Variants in TTC12 observed in about 807,000 individuals in gnomAD.
The protein encoded by TTC12 is tetratricopeptide repeat protein 12.
Under a neutral mutation model 90.1 loss-of-function variants are expected in TTC12, and 70 were observed. The observed-to-expected ratio is 0.78, with a 90% confidence interval of 0.64 to 0.95. TTC12 has a LOEUF of 0.95. Among genes scored for constraint, TTC12 ranks in the 40% least tolerant of loss-of-function variants. The pLI is 0.00. For missense variants in TTC12, 819 were observed against 846.1 expected, an observed-to-expected ratio of 0.97 and a Z score of 0.40; for synonymous variants, 296 against 311.5, an observed-to-expected ratio of 0.95 and a Z score of 0.53.
chr11:113,317,716 G>A (rs1456445309), intron 2 of TTC12, among the ~76,000 whole-genome samples: 1 of 152,016 alleles, frequency 6.6e-6, no homozygotes, highest in Non-Finnish European at 1.5e-5. Context: ...CGCTTGAGCA[G>A]CAATAAACTG....
intron 6 of TTC12, chr11:113,329,618 C>T (rs554992251): frequency 5.9e-6 from 3 of 512,578 alleles, no homozygotes; most frequent in Non-Finnish European, 1.1e-5. Context: ...TCATTGCTCC[C>T]TCCTTCTGCC....
intron 6 of TTC12, among the ~76,000 whole-genome samples, chr11:113,328,422 C>G (rs1449792171): frequency 6.6e-6 from 1 of 152,138 alleles, no homozygotes; most frequent in Non-Finnish European, 1.5e-5. Flanking sequence ...TTGAATGGAT[C>G]ACGGAATTCT....
intron 5 of TTC12, 27 bp downstream of exon 5, chr11:113,324,709 G>T: frequency 6.3e-7 from 1 of 1,596,930 alleles, no homozygotes. Context: ...ACTTTTCAAT[G>T]GCTGGGATGA....
At position 113,319,025 on chromosome 11, in the gene TTC12, A is replaced by G. The variant is rs561313290; in HGVS notation, c.58+2710A>G. ...GAGATACATTTAGTGACTTGCTTCC[A>G]AAGAGTACAGTATGGAAAGGGAGGG... On this transcript the variant is annotated intron_variant, in intron 2 of 21. Coordinates refer to ENST00000529221, the MANE Select transcript of TTC12 (RefSeq NM_017868.4). Among the ~76,000 whole-genome samples, 7 of 152,278 alleles carry G rather than the reference A, an allele frequency of 4.6e-5. No individual in the cohort carries two copies. The East Asian group carries it at 1.4e-3, about 29-fold the overall frequency.
rs1947935147 is a variant in TTC12, at chr11:113,329,956, G to C, written c.481G>C (p.Val161Leu). Residue 161 changes from valine (V) to leucine (L), a missense_variant, in exon 7 of 22, where the codon GTG (valine) becomes CTG (leucine). By Grantham distance (32) the Val-to-Leu change is conservative. Transcript: ENST00000529221. ...MKLEDYEKAL[V>L]DCEWALKCDE... ...ACTTGAGGACTATGAGAAGGCACTG[G>C]TGGATTGTGAGTGGGCTCTCAAGGT... The C allele has an allele frequency of 6.2e-7, 1 of 1,613,654 alleles. No individual in the cohort carries two copies. Among genetic ancestry groups the C allele is most frequent in the Admixed American group, 1.7e-5 (1 of 60,002 alleles).
chr11:113,318,122 A>G (rs1040058231), intron 2 of TTC12, among the ~76,000 whole-genome samples: 20 of 152,140 alleles, frequency 1.3e-4, no homozygotes, highest in Admixed American at 3.9e-4. Flanking sequence ...CTATGTGTTG[A>G]GTGTTGGTAA....
intron 13 of TTC12, among the ~76,000 whole-genome samples, chr11:113,348,436 T>C (rs943460877): frequency 1.3e-4 from 20 of 152,238 alleles, no homozygotes; most frequent in African/African-American, 4.6e-4. Flanking sequence ...TTTGTGTTTT[T>C]ACTGTACCTC....
intron 20 of TTC12, chr11:113,364,487 ACCTGGGGG>A: frequency 3.2e-6 from 1 of 316,140 alleles, no homozygotes; most frequent in South Asian, 3.4e-5. Context: ...CATTGCCTCC[ACCTGGGGG>A]CTGTCAGATA....
At chr11:113,335,592 A>C (rs138099691) in intron 8 of TTC12, among the ~76,000 whole-genome samples, 2 of 152,188 alleles carry the variant, frequency 1.3e-5, no homozygotes, top group African/African-American at 4.8e-5. Context: ...CCCTTCCCCC[A>C]ACCCCATCTC....
At position 113,340,672 on chromosome 11, in the gene TTC12, C is replaced by CA; in HGVS notation, c.838dup (p.Thr280AsnfsTer10). ...CTTTGTATCTGTTTCAGGCACAGAA[C>CA]AAACTTTATTCAGAATGCACAATGG... On this transcript the variant is annotated frameshift_variant, in exon 11 of 22. Coordinates refer to ENST00000529221, the MANE Select transcript of TTC12 (RefSeq NM_017868.4). LOFTEE classifies it high-confidence loss of function. 1 of 1,613,946 alleles carries CA rather than the reference C, an allele frequency of 6.2e-7. No homozygotes were observed. The highest frequency in any genetic ancestry group is 1.1e-5 in the South Asian group (1 of 91,074).
chr11:113,323,527 A>G, intron 3 of TTC12, 76 bp downstream of exon 3: 1 of 997,876 alleles, frequency 1.0e-6, no homozygotes, highest in Non-Finnish European at 1.4e-6. Context: ...TTTAATCTCA[A>G]ACTGTCCAGC....
At chr11:113,368,228 C>T, downstream of TTC12, 1 of 1,507,234 alleles carries the variant, frequency 6.6e-7, no homozygotes, top group Non-Finnish European at 8.9e-7. Flanking sequence ...GGAAGAGAGT[C>T]TGCTGCACCT....
intron 2 of TTC12, among the ~76,000 whole-genome samples, chr11:113,318,973 G>T (rs941590021): frequency 6.6e-6 from 1 of 152,020 alleles, no homozygotes; most frequent in Non-Finnish European, 1.5e-5. Flanking sequence ...CCCCCAAGGA[G>T]GTGGAGCATC....
In TTC12 at chr11:113,344,301, C is replaced by T. The variant is rs1434650432; in HGVS notation, c.1015C>T (p.His339Tyr). The change falls in exon 13 of 22, where the codon CAT (histidine) becomes TAT (tyrosine). Residue 339 changes from histidine (H) to tyrosine (Y), a missense_variant. Physicochemically the swap from His to Tyr is moderately conservative, Grantham distance 83. Transcript: ENST00000529221. ...AAACCAGCGTGTGCTAGTGATACAC[C>T]ATGACAGGGCCAGGCTGTTGGCCGC... ...EENQRVLVIH[H>Y]DRARLLAALL... 4 of 1,613,882 alleles carry T rather than the reference C, an allele frequency of 2.5e-6. No individual in the cohort carries two copies. In the African/African-American group the frequency reaches 5.3e-5, roughly 22 times the overall value.
At chr11:113,331,284 T>C (rs1948048027) in intron 7 of TTC12, among the ~76,000 whole-genome samples, 1 of 152,214 alleles carries the variant, frequency 6.6e-6, no homozygotes, top group Non-Finnish European at 1.5e-5. Flanking sequence ...GTCGCCTTGC[T>C]TGATAATGGT....
chr11:113,371,756 C>A (rs1225500440), intron 21 of TTC12, among the ~76,000 whole-genome samples: 1 of 152,164 alleles, frequency 6.6e-6, no homozygotes, highest in Non-Finnish European at 1.5e-5. Context: ...AATTTCATAA[C>A]CTCGCTTTAA....
intron 13 of TTC12, among the ~76,000 whole-genome samples, chr11:113,348,555 TC>T (rs1949097384): frequency 6.6e-6 from 1 of 152,198 alleles, no homozygotes; most frequent in Non-Finnish European, 1.5e-5. Context: ...CAATCCAGCC[TC>T]CACCATACAC....
At chr11:113,368,777 C>T (rs892080350), downstream of TTC12, 1 of 499,282 alleles carries the variant, frequency 2.0e-6, no homozygotes, top group African/African-American at 1.9e-5. Context: ...GCTTGGAGAA[C>T]TGAGGGGAAG....
intron 6 of TTC12, among the ~76,000 whole-genome samples, chr11:113,328,855 G>A (rs926728273): frequency 6.6e-6 from 1 of 152,014 alleles, no homozygotes; most frequent in African/African-American, 2.4e-5. Flanking sequence ...TGTCTGTTCT[G>A]GACATTTTAT....
Sources: gnomAD v4.1 joint callset for allele counts (sites outside exome capture counted in the v4.1 genomes callset) on GRCh38, gnomAD v4.1.1 for gene constraint, MANE v1.5 for transcripts, NCBI Gene and HGNC (gene_info 2026-07-23, HGNC 2026-07-21) for gene names.